Variants in MSI2 observed in about 807,000 individuals in gnomAD.
MSI2 encodes the protein RNA-binding protein Musashi homolog 2.
A neutral mutation model predicts 45.6 loss-of-function variants in MSI2; 17 were observed. That is an observed-to-expected ratio of 0.37 (90% CI 0.26 to 0.56). MSI2 has a LOEUF of 0.56. Ranked by LOEUF, MSI2 falls within the 20% of genes least tolerant of loss-of-function variation. MSI2 has a pLI of 0.77. For synonymous variants in MSI2, 156 were observed against 158.2 expected (o/e 0.99, Z 0.11); for missense variants, 293 against 444.2 (o/e 0.66, Z 3.06).
intron 7 of MSI2, among the ~76,000 whole-genome samples, chr17:57,563,636 C>T (rs1025124849): frequency 1.3e-5 from 2 of 152,102 alleles, no homozygotes; most frequent in East Asian, 1.9e-4. Context: ...TGTGGACTCT[C>T]GCCTTCCAGC....
At chr17:57,624,900 A>G (rs750459971) in intron 9 of MSI2, among the ~76,000 whole-genome samples, 7 of 152,220 alleles carry the variant, frequency 4.6e-5, no homozygotes, top group Non-Finnish European at 1.0e-4. Flanking sequence ...ACAGATTACC[A>G]TAGACGAGGT....
At chr17:57,384,015 T>A (rs2083643524) in intron 5 of MSI2, among the ~76,000 whole-genome samples, 1 of 152,208 alleles carries the variant, frequency 6.6e-6, no homozygotes. Context: ...CTGGATCCAG[T>A]GAAACTGAAA....
chr17:57,605,393 A>G lies in MSI2; in HGVS notation c.537+8443A>G, dbSNP rs116204768. ...TGCCTGAGTGGTTCGCTTGCCCTTCATCTGTCCTCTGGCGATGTCAGTGTA... is the reference window on the plus strand; with the variant it reads ...TGCCTGAGTGGTTCGCTTGCCCTTCGTCTGTCCTCTGGCGATGTCAGTGTA... On this transcript the variant is annotated intron_variant, in intron 8 of 13. Coordinates refer to ENST00000284073, the MANE Select transcript of MSI2 (RefSeq NM_138962.4). Among the ~76,000 whole-genome samples, 105 of 152,332 alleles carry G rather than the reference A, an allele frequency of 6.9e-4. 1 individual carries two copies. Among genetic ancestry groups the G allele is most frequent in the African/African-American group, 2.5e-3 (102 of 41,584 alleles).
intron 5 of MSI2, among the ~76,000 whole-genome samples, chr17:57,311,472 A>T (rs1400447678): frequency 6.6e-6 from 1 of 152,206 alleles, no homozygotes; most frequent in Non-Finnish European, 1.5e-5. Context: ...AAGAAACCCT[A>T]TATGCTGGGA....
At chr17:57,391,784 G>T (rs1567797190) in intron 5 of MSI2, among the ~76,000 whole-genome samples, 2 of 152,184 alleles carry the variant, frequency 1.3e-5, no homozygotes, top group Non-Finnish European at 2.9e-5. Flanking sequence ...TCATGCTGGG[G>T]CTTTAGAGGG....
At chr17:57,531,009 G>C (rs995210830) in intron 7 of MSI2, among the ~76,000 whole-genome samples, 2 of 152,100 alleles carry the variant, frequency 1.3e-5, no homozygotes, top group South Asian at 2.1e-4. Context: ...AGCAGGGAGA[G>C]AAAGGAGGGG....
At chr17:57,687,015 C>G (rs930004943), downstream of MSI2, among the ~76,000 whole-genome samples, 3 of 146,030 alleles carry the variant, frequency 2.1e-5, no homozygotes, top group Admixed American at 2.0e-4. Flanking sequence ...GCCCCCCCCC[C>G]AAAAAATTTT....
intron 6 of MSI2, among the ~76,000 whole-genome samples, chr17:57,420,780 A>C (rs1439201893): frequency 6.6e-6 from 1 of 152,178 alleles, no homozygotes; most frequent in African/African-American, 2.4e-5. Context: ...GAGGCCAATG[A>C]GGAGCTTAAT....
intron 5 of MSI2, among the ~76,000 whole-genome samples, chr17:57,304,366 AAAAAAAG>A (rs1911696509): frequency 6.6e-6 from 1 of 150,954 alleles, no homozygotes; most frequent in Non-Finnish European, 1.5e-5. Context: ...CCAAAAAAAA[AAAAAAAG>A]AAAAAAGAAA....
At chr17:57,440,705 T>A (rs982636449) in intron 6 of MSI2, 4 of 152,482 alleles carry the variant, frequency 2.6e-5, no homozygotes, top group Admixed American at 1.3e-4. Context: ...TGTGCCCCTG[T>A]GCATGGGTGT....
intron 11 of MSI2, chr17:57,671,662 C>T (rs1912788043): frequency 6.6e-6 from 1 of 151,966 alleles, no homozygotes; most frequent in Admixed American, 6.6e-5. Context: ...TCAAATGACC[C>T]CCTTTCCTGC....
At chr17:57,700,919 T>G in the MSI2 span, among the ~76,000 whole-genome samples, 1 of 151,560 alleles carries the variant, frequency 6.6e-6, no homozygotes, top group Non-Finnish European at 1.5e-5. Flanking sequence ...AAAAAAAAAT[T>G]TAATAATGTC....
intron 8 of MSI2, among the ~76,000 whole-genome samples, chr17:57,605,430 G>A (rs1360667450): frequency 1.3e-5 from 2 of 152,222 alleles, no homozygotes; most frequent in African/African-American, 4.8e-5. Flanking sequence ...GCAGGGCCAG[G>A]GAGGGCAGTG....
chr17:57,285,203 A>G (rs1909767152), intron 5 of MSI2, among the ~76,000 whole-genome samples: 1 of 152,174 alleles, frequency 6.6e-6, no homozygotes, highest in Non-Finnish European at 1.5e-5. Context: ...GTTAGATAGC[A>G]ACAAACTTTC....
At chr17:57,493,810 T>A (rs980524384) in intron 6 of MSI2, among the ~76,000 whole-genome samples, 6 of 152,084 alleles carry the variant, frequency 3.9e-5, no homozygotes, top group African/African-American at 1.4e-4. Context: ...CATTTTCATG[T>A]GGGCATGAAA....
At chr17:57,491,147 G>A (rs1042466911) in intron 6 of MSI2, among the ~76,000 whole-genome samples, 4 of 152,200 alleles carry the variant, frequency 2.6e-5, no homozygotes, top group African/African-American at 9.7e-5. Context: ...CCAAGCGCTC[G>A]CATTGGTCAG....
intron 7 of MSI2, among the ~76,000 whole-genome samples, chr17:57,592,838 G>A (rs564175522): frequency 4.6e-5 from 7 of 152,298 alleles, no homozygotes; most frequent in Admixed American, 2.6e-4. Flanking sequence ...CCATCTCAGA[G>A]TGGGAAACTG....
At chr17:57,653,132 A>G (rs1193829739) in intron 11 of MSI2, among the ~76,000 whole-genome samples, 1 of 152,176 alleles carries the variant, frequency 6.6e-6, no homozygotes, top group Non-Finnish European at 1.5e-5. Flanking sequence ...TGAGGGTACC[A>G]GGAAATAGAG....
At chr17:57,433,055 C>T (rs1229272698) in intron 6 of MSI2, among the ~76,000 whole-genome samples, 2 of 152,168 alleles carry the variant, frequency 1.3e-5, no homozygotes, top group Admixed American at 6.5e-5. Context: ...AGTTCACGTC[C>T]GTGGGCCCTT....
Sources: gnomAD v4.1 joint callset for allele counts (sites outside exome capture counted in the v4.1 genomes callset) on GRCh38, gnomAD v4.1.1 for gene constraint, MANE v1.5 for transcripts, NCBI Gene and HGNC (gene_info 2026-07-23, HGNC 2026-07-21) for gene names.